Variants in ATP11A observed in about 807,000 individuals in gnomAD.
The protein encoded by ATP11A is ATPase phospholipid transporting 11A, also known as phospholipid-transporting ATPase IH.
ATP11A carries 81 observed loss-of-function variants against 154.4 expected under a neutral mutation model. That is an observed-to-expected ratio of 0.52 (90% confidence interval 0.44 to 0.63). The LOEUF is 0.63. Ranked by LOEUF, ATP11A falls within the 30% of genes least tolerant of loss-of-function variation. The probability of loss-of-function intolerance (pLI) is 0.00; values close to 1 mark genes in which losing one functional copy is unlikely to be tolerated. For missense variants in ATP11A, 1,316 were observed against 1,474.3 expected (o/e 0.89, Z 1.76); for synonymous variants, 623 against 585.9 (o/e 1.06, Z -0.91).
chr13:112,849,377 G>A (rs1267356259), intron 17 of ATP11A, among the ~76,000 whole-genome samples: 1 of 152,236 alleles, frequency 6.6e-6, no homozygotes, highest in Admixed American at 6.5e-5. Context: ...ATAGAGAAAA[G>A]TATTTCTGTT....
At position 112,825,518 on chromosome 13, in the gene ATP11A, G is replaced by C. The variant is rs2078910166; in HGVS notation, c.961G>C (p.Glu321Gln). The C allele has an allele frequency of 6.2e-7, 1 of 1,613,990 alleles. No individual in the cohort carries two copies. The change falls in exon 11 of 30, where the codon GAG (glutamate) becomes CAG (glutamine). Residue 321 changes from glutamate to glutamine, a missense_variant. By Grantham distance (29) the Glu-to-Gln change is conservative (BLOSUM62 2). Coordinates refer to ENST00000375645, the MANE Select transcript of ATP11A (RefSeq NM_015205.3). ...NTVLKYMWQS[E>Q]PFRDEPWYNQ... The stretch of plus-strand genomic sequence containing the variant: ...TGTGCTGAAATACATGTGGCAGAGT[G>C]AGCCCTTTCGGGATGAGCCGTGGTA...
At chr13:112,874,213 C>T (rs2080641569) in intron 27 of ATP11A, among the ~76,000 whole-genome samples, 1 of 152,140 alleles carries the variant, frequency 6.6e-6, no homozygotes, top group South Asian at 2.1e-4. Context: ...TGGGGGAGAG[C>T]AGCAGGCACG....
chr13:112,694,338 G>A (rs1188811327), intron 1 of ATP11A, among the ~76,000 whole-genome samples: 1 of 152,208 alleles, frequency 6.6e-6, no homozygotes, highest in Admixed American at 6.5e-5. Flanking sequence ...CTGAGTCCCT[G>A]GGTAGGGTTG....
rs760511671 is a variant in ATP11A, at chr13:112,853,295, CAT to C, written c.1992-974_1992-973del. Reference sequence around the variant, plus strand: ...ACATATGTACATACACACACACACACATATATATATACACATACATACACACA... The same window carrying C: ...ACATATGTACATACACACACACACACATATATATACACATACATACACACA... On this transcript the variant is annotated intron_variant, in intron 18 of 29. Transcript: ENST00000375645. Among the ~76,000 whole-genome samples, 180 of 150,618 alleles carry C rather than the reference CAT, an allele frequency of 1.2e-3. 1 individual carries two copies. The East Asian group carries it at 0.017, about 14-fold the overall frequency.
At chr13:112,867,079 G>A (rs1161184131) in intron 25 of ATP11A, among the ~76,000 whole-genome samples, 2 of 152,058 alleles carry the variant, frequency 1.3e-5, no homozygotes, top group Non-Finnish European at 2.9e-5. Context: ...GAACTAAGAG[G>A]TAGTGTCCTG....
In ATP11A at chr13:112,859,284, G is replaced by T. The variant is rs145236377; in HGVS notation, c.2668-109G>T. The T allele has an allele frequency of 3.5e-6, 3 of 849,358 alleles. No individual in the cohort carries two copies. Among genetic ancestry groups the T allele is most frequent in the African/African-American group, 3.3e-5 (2 of 59,894 alleles). 52.6% of individuals were successfully genotyped at this position (849,358 alleles called of 1,614,324 possible). A position where few individuals can be genotyped will look rare whatever the true frequency, so the allele number is the denominator to read the frequency against. ...ACCCATTAGTGCTGTTCTGCCGCACGCTGGGTGCACGTGGATCCCTCCTCC... is the reference window on the plus strand; with the variant it reads ...ACCCATTAGTGCTGTTCTGCCGCACTCTGGGTGCACGTGGATCCCTCCTCC... On this transcript the variant is annotated intron_variant, in intron 22 of 29. Transcript: ENST00000375645. This position sits in a 1 kb window ranked among gnomAD's most constrained non-coding sequence, Gnocchi z 4.3.
chr13:112,791,365 C>T (rs1006597817), intron 2 of ATP11A, among the ~76,000 whole-genome samples: 2 of 152,244 alleles, frequency 1.3e-5, no homozygotes, highest in African/African-American at 4.8e-5. Context: ...TGGGAGCTGG[C>T]TTCTCCCTTC....
intron 4 of ATP11A, among the ~76,000 whole-genome samples, chr13:112,809,510 T>C (rs2078427181): frequency 6.6e-6 from 1 of 152,086 alleles, no homozygotes. Context: ...AGCGGGCCCG[T>C]GGCACAGGCT....
At position 112,832,934 on chromosome 13, in the gene ATP11A, C is replaced by T. The variant is rs746797753; in HGVS notation, c.1470C>T (p.Asp490=). Residue 490 remains aspartate, a synonymous_variant, in exon 14 of 30, where the codon GAC becomes GAT. Transcript: ENST00000375645. ...TVQVKDDDSV[D]GPRKSPDGGK... ...AGGTGAAAGACGATGACAGCGTAGA[C>T]GGCCCCAGGAAATCGCCGGACGGGG... 1.4e-5 allele frequency: 23 copies of T among 1,614,070 alleles called. No homozygotes were observed. Among genetic ancestry groups the T allele is most frequent in the South Asian group, 8.8e-5 (8 of 91,080 alleles).
intron 1 of ATP11A, among the ~76,000 whole-genome samples, chr13:112,749,514 A>C (rs192110180): frequency 1.3e-5 from 2 of 152,386 alleles, no homozygotes; most frequent in Admixed American, 1.3e-4. Context: ...AAAAATAAGC[A>C]AAGGAGATTT....
At chr13:112,728,249 A>C (rs536926276) in intron 1 of ATP11A, among the ~76,000 whole-genome samples, 2 of 151,334 alleles carry the variant, frequency 1.3e-5, no homozygotes, top group African/African-American at 4.9e-5. Flanking sequence ...CCATGAGACC[A>C]TGCGGCCCAC....
rs1341195863 is a variant in ATP11A at position 112,710,349 on chromosome 13, C to T, written c.39+19894C>T. On this transcript the variant is annotated intron_variant, in intron 1 of 29. Transcript: ENST00000375645. ...TCACCCCTAAGCAAGTGGCCCACACCGTGTGTGACTGGAAAAATCAGTGTT... is the reference window on the plus strand; with the variant it reads ...TCACCCCTAAGCAAGTGGCCCACACTGTGTGTGACTGGAAAAATCAGTGTT... 1.4e-4 allele frequency among the ~76,000 whole-genome samples: 22 copies of T among 152,168 alleles called. 1 individual carries two copies. Among genetic ancestry groups the T allele is most frequent in the Admixed American group, 1.4e-3 (21 of 15,274 alleles).
chr13:112,844,636 G>A lies in ATP11A; in HGVS notation c.1809+2257G>A, dbSNP rs117897025. ...TTCACTCCCATAACTGCTGAGACTCGGCCGTGTGGGCCCGTTCATTTCTGT... is the reference window on the plus strand; with the variant it reads ...TTCACTCCCATAACTGCTGAGACTCAGCCGTGTGGGCCCGTTCATTTCTGT... On this transcript the variant is annotated intron_variant, in intron 17 of 29. Transcript: ENST00000375645. Among the ~76,000 whole-genome samples, 684 of 152,276 alleles carry A rather than the reference G, an allele frequency of 4.5e-3. 2 individuals are homozygous for A. Among genetic ancestry groups the A allele is most frequent in the Non-Finnish European group, 7.8e-3 (532 of 68,026 alleles).
At chr13:112,787,108 C>T (rs957108684) in intron 2 of ATP11A, among the ~76,000 whole-genome samples, 58 of 121,436 alleles carry the variant, frequency 4.8e-4, no homozygotes, top group African/African-American at 2.1e-3. Context: ...TAATTCACAC[C>T]GGTGTCCTGA....
intron 20 of ATP11A, 30 bp from the exon 21 acceptor site, chr13:112,857,788 A>G (rs1201112412): frequency 6.4e-7 from 1 of 1,550,702 alleles, no homozygotes; most frequent in Non-Finnish European, 8.9e-7. Context: ...GAAACAGAGA[A>G]GATAAATTCC....
At chr13:112,847,096 A>G (rs2079631349) in intron 17 of ATP11A, among the ~76,000 whole-genome samples, 1 of 152,172 alleles carries the variant, frequency 6.6e-6, no homozygotes, top group African/African-American at 2.4e-5. Context: ...CAGGGAATTC[A>G]CTGGCTCCGG....
At chr13:112,781,649 G>T (rs1355882985) in intron 1 of ATP11A, among the ~76,000 whole-genome samples, 1 of 152,120 alleles carries the variant, frequency 6.6e-6, no homozygotes, top group Non-Finnish European at 1.5e-5. Flanking sequence ...TCCTCTGGGG[G>T]TCCAGCGTGT....
Position 112,886,561 on chromosome 13 carries a change from G to C in ATP11A, c.*4695G>C, listed in dbSNP as rs940539768. The C allele has an allele frequency of 7.9e-5, 12 of 152,276 alleles. No homozygotes were observed. The highest frequency in any genetic ancestry group is 1.5e-4 in the Non-Finnish European group (10 of 67,982). The allele number at this position is 152,276 out of a possible 1,614,324, so 9.4% of individuals were successfully genotyped here. A position where few individuals can be genotyped will look rare whatever the true frequency, so the allele number is the denominator to read the frequency against. ...CTTTTTTTTTTTTAAGCTAAAGGTGGGTGAACTGGAATGAAAATCTTTCTG... is the reference window on the plus strand; with the variant it reads ...CTTTTTTTTTTTTAAGCTAAAGGTGCGTGAACTGGAATGAAAATCTTTCTG... On this transcript the variant is annotated 3_prime_UTR_variant, in exon 30 of 30. Transcript: ENST00000375645.
chr13:112,857,192 C>A (rs1449913258), intron 20 of ATP11A, among the ~76,000 whole-genome samples: 1 of 152,184 alleles, frequency 6.6e-6, no homozygotes, highest in African/African-American at 2.4e-5. Context: ...CGTTTCCCCC[C>A]ATCTCTTCAT....
Sources: gnomAD v4.1 joint callset for allele counts (sites outside exome capture counted in the v4.1 genomes callset) on GRCh38, gnomAD v4.1.1 for gene constraint, Gnocchi (gnomAD v3.1) non-coding constraint, MANE v1.5 for transcripts, NCBI Gene and HGNC (gene_info 2026-07-23, HGNC 2026-07-21) for gene names.